The following RBFOX2 variants were observed in gnomAD, a reference collection of about 807,000 sequenced individuals.
RBFOX2 encodes RNA binding protein fox-1 homolog 2.
In RBFOX2, 10 loss-of-function variants were observed where a neutral mutation model predicts 49.1. The observed-to-expected ratio is 0.20, with a 90% CI of 0.13 to 0.35. The LOEUF is 0.35. Among genes scored for constraint, RBFOX2 ranks in the 10% least tolerant of loss-of-function variants. RBFOX2 has a pLI of 1.00. For synonymous variants in RBFOX2, 183 were observed against 187.4 expected, an observed-to-expected ratio of 0.98 and a Z score of 0.19; for missense variants, 323 against 486.9, an observed-to-expected ratio of 0.66 and a Z score of 3.17.
chr22:35,880,589 A>T (rs535855447), intron 1 of RBFOX2, among the ~76,000 whole-genome samples: 7 of 152,362 alleles, frequency 4.6e-5, no homozygotes, highest in African/African-American at 1.7e-4. Context: ...TTCTACCTGT[A>T]AGAATTTATA....
chr22:36,022,827 G>C (rs2059296543), intron 1 of RBFOX2, among the ~76,000 whole-genome samples: 1 of 152,144 alleles, frequency 6.6e-6, no homozygotes, highest in Non-Finnish European at 1.5e-5. Flanking sequence ...GAAAGGCCAT[G>C]TGAACACACA....
chr22:35,747,123 C>T (rs1012983241), intron 9 of RBFOX2: 1 of 152,226 alleles, frequency 6.6e-6, no homozygotes, highest in African/African-American at 2.4e-5. Context: ...CAATGTAGAT[C>T]AGGGGTCAGC....
intron 2 of RBFOX2, among the ~76,000 whole-genome samples, chr22:35,796,552 A>C (rs990274457): frequency 6.6e-6 from 1 of 152,226 alleles, no homozygotes; most frequent in Admixed American, 6.5e-5. Flanking sequence ...TTCTTTGATA[A>C]TACATCAAAA....
At chr22:35,860,363 C>T (rs2042971419) in intron 1 of RBFOX2, among the ~76,000 whole-genome samples, 1 of 152,174 alleles carries the variant, frequency 6.6e-6, no homozygotes, top group African/African-American at 2.4e-5. Flanking sequence ...CTGCCAACTG[C>T]CAGACATGAG....
chr22:35,970,616 G>A (rs2056817936), intron 1 of RBFOX2, among the ~76,000 whole-genome samples: 1 of 152,050 alleles, frequency 6.6e-6, no homozygotes, highest in African/African-American at 2.4e-5. Context: ...AGCCATGATT[G>A]CACCACTGTA....
chr22:35,838,011 T>A (rs1957999760), intron 1 of RBFOX2, among the ~76,000 whole-genome samples: 1 of 152,120 alleles, frequency 6.6e-6, no homozygotes, highest in Non-Finnish European at 1.5e-5. Context: ...AGAAAACTCA[T>A]CATAAAAATT....
rs572490041 is a variant in RBFOX2, at chr22:35,910,000, T to C, written c.-34+28847A>G. On this transcript the variant is annotated intron_variant, in intron 1 of 13. Coordinates refer to the RBFOX2 transcript ENST00000359369. ...ATACAAATGTAATCTATTTTGATGATTGACAATCATAAATATTTACTTAAT... is the reference window on the plus strand; with the variant it reads ...ATACAAATGTAATCTATTTTGATGACTGACAATCATAAATATTTACTTAAT... Among the ~76,000 whole-genome samples the C allele has an allele frequency of 1.2e-4, 18 of 152,354 alleles. No homozygotes were observed. In the South Asian group the frequency reaches 1.7e-3, roughly 14 times the overall value.
intron 1 of RBFOX2, among the ~76,000 whole-genome samples, chr22:35,935,889 C>G (rs1030971823): frequency 6.6e-6 from 1 of 152,116 alleles, no homozygotes; most frequent in Non-Finnish European, 1.5e-5. Flanking sequence ...TTTGCCTCAT[C>G]TACTTCAAAA....
chr22:35,978,970 A>G (rs2057330516), intron 1 of RBFOX2, among the ~76,000 whole-genome samples: 1 of 152,222 alleles, frequency 6.6e-6, no homozygotes, highest in Non-Finnish European at 1.5e-5. Context: ...ACAAGACAAT[A>G]ATCAATTACA....
At chr22:36,000,124 C>T (rs921421651) in intron 1 of RBFOX2, 17 of 151,468 alleles carry the variant, frequency 1.1e-4, no homozygotes, top group African/African-American at 4.1e-4. Flanking sequence ...CCTCAGCCTC[C>T]CGAATAGCTA....
At chr22:35,915,371 G>T (rs938106210) in intron 1 of RBFOX2, among the ~76,000 whole-genome samples, 1 of 152,100 alleles carries the variant, frequency 6.6e-6, no homozygotes, top group African/African-American at 2.4e-5. Flanking sequence ...TTTCCCCAGG[G>T]GAGAATGCAG....
chr22:35,825,703 G>A (rs750755983), intron 1 of RBFOX2, among the ~76,000 whole-genome samples: 3 of 152,072 alleles, frequency 2.0e-5, no homozygotes, highest in East Asian at 1.9e-4. Context: ...AAGATAGGCC[G>A]GGTGCAGTGG....
chr22:35,952,504 C>T (rs1188912767), intron 1 of RBFOX2, among the ~76,000 whole-genome samples: 2 of 152,198 alleles, frequency 1.3e-5, no homozygotes, highest in African/African-American at 2.4e-5. Flanking sequence ...CTTCATTCCT[C>T]TGATCATCAC....
At chr22:35,840,492 A>G (rs1958550899) in exon 1 of RBFOX2, 1 of 1,358,554 alleles carries the variant, frequency 7.4e-7, no homozygotes, top group African/African-American at 1.5e-5. Context: ...TGCCTAAGGT[A>G]ATTAATCAGA....
intron 1 of RBFOX2, among the ~76,000 whole-genome samples, chr22:36,004,864 C>A (rs1032055737): frequency 6.6e-6 from 1 of 152,154 alleles, no homozygotes; most frequent in African/African-American, 2.4e-5. Flanking sequence ...ACTGAGCAAC[C>A]CTTTCATCCC....
intron 1 of RBFOX2, among the ~76,000 whole-genome samples, chr22:35,899,773 A>G (rs542244804): frequency 3.9e-5 from 6 of 152,316 alleles, no homozygotes; most frequent in Non-Finnish European, 5.9e-5. Flanking sequence ...ATTAAGATGC[A>G]CACATACTTC....
At chr22:35,890,244 C>T (rs886740316) in intron 1 of RBFOX2, among the ~76,000 whole-genome samples, 2 of 152,104 alleles carry the variant, frequency 1.3e-5, no homozygotes, top group African/African-American at 4.8e-5. Flanking sequence ...ATTTTCATTT[C>T]TCTACTCTAG....
In RBFOX2 at chr22:35,821,894, G is replaced by A. The variant is rs200080832; in HGVS notation, c.28-11890C>T. The A allele has an allele frequency of 2.4e-4, 126 of 519,006 alleles. 2 individuals carry two copies. Among genetic ancestry groups the A allele is most frequent in the South Asian group, 1.7e-3 (120 of 71,596 alleles). 32.2% of individuals were successfully genotyped at this position (519,006 alleles called of 1,614,324 possible). On this transcript the variant is annotated intron_variant, in intron 1 of 11. Coordinates refer to ENST00000405409, the Ensembl canonical transcript of RBFOX2. ...TTGTATGGCAAACTTTGACCAAAAG[G>A]GGGAGGAGCAGGAAATGGGAGGAAA... is the stretch of plus-strand genomic sequence containing the variant.
At chr22:35,857,515 A>G (rs768165325) in intron 1 of RBFOX2, among the ~76,000 whole-genome samples, 1 of 152,250 alleles carries the variant, frequency 6.6e-6, no homozygotes, top group Non-Finnish European at 1.5e-5. Context: ...ACAAATCTGA[A>G]GCATAAACTG....
Sources: allele counts gnomAD v4.1 joint callset (sites outside exome capture counted in the v4.1 genomes callset), GRCh38; gene constraint gnomAD v4.1.1; transcripts MANE v1.5; gene names NCBI Gene and HGNC (gene_info 2026-07-23, HGNC 2026-07-21).